The following HIBCH variants were observed in gnomAD, a reference collection of about 807,000 sequenced individuals.
HIBCH encodes 3-hydroxyisobutyryl-CoA hydrolase.
In HIBCH, 50 loss-of-function variants were observed where a neutral mutation model predicts 58.2. The ratio of observed to expected loss-of-function variants is 0.86; its 90% confidence interval spans 0.68 to 1.09. The LOEUF (loss-of-function observed/expected upper bound fraction) is 1.09, where lower values mean the gene tolerates loss of function less well. Ranked by LOEUF, HIBCH falls within the 50% of genes least tolerant of loss-of-function variation. The probability of loss-of-function intolerance (pLI) is 0.00; values close to 1 mark genes in which losing one functional copy is unlikely to be tolerated. For synonymous variants in HIBCH, 151 were observed against 146.9 expected (o/e 1.03, Z -0.20); for missense variants, 450 against 449.7 (o/e 1.00, Z -0.01).
rs192269954 is a variant in HIBCH, at chr2:190,214,341, C to G, written c.892-1266G>C. 1 of 152,380 alleles carries G rather than the reference C, an allele frequency of 6.6e-6. No homozygotes were observed. Among genetic ancestry groups the G allele is most frequent in the East Asian group, 1.9e-4 (1 of 5,186 alleles). The allele number at this position is 152,380 out of a possible 1,614,324, so 9.4% of individuals were successfully genotyped here. A position where few individuals can be genotyped will look rare whatever the true frequency, so the allele number is the denominator to read the frequency against. ...GGCTGAGTACACAGCAAAAACCTGA[C>G]ACAGAGACTAAGTGAAAATGGGAAA... On this transcript the variant is annotated intron_variant, in intron 11 of 13. Transcript: ENST00000359678. The surrounding 1 kb of genome is among the most constrained non-coding windows in gnomAD (Gnocchi z 5.5).
At chr2:190,194,128 T>TA (rs1689851751) in intron 1 of HIBCH, among the ~76,000 whole-genome samples, 1 of 152,224 alleles carries the variant, frequency 6.6e-6, no homozygotes, top group African/African-American at 2.4e-5. Context: ...TTGTACTGTG[T>TA]AATGTTTTAA....
At chr2:190,231,676 C>A (rs770546581) in intron 11 of HIBCH, among the ~76,000 whole-genome samples, 37 of 150,990 alleles carry the variant, frequency 2.5e-4, no homozygotes, top group Non-Finnish European at 4.7e-4. Context: ...GCAGTGCTAG[C>A]CAGTATAGGA....
chr2:190,294,340 A>AG (rs780206191), intron 4 of HIBCH, among the ~76,000 whole-genome samples: 1 of 152,070 alleles, frequency 6.6e-6, no homozygotes, highest in Non-Finnish European at 1.5e-5. Context: ...TTGTGTAGTG[A>AG]GAAAAAAAAA....
At chr2:190,317,964 C>T (rs1173054721) in intron 1 of HIBCH, among the ~76,000 whole-genome samples, 1 of 151,794 alleles carries the variant, frequency 6.6e-6, no homozygotes, top group African/African-American at 2.4e-5. Flanking sequence ...GCTGGGATTA[C>T]AGGGCCCTGC....
chr2:190,303,024 C>T (rs1688308997), intron 2 of HIBCH, among the ~76,000 whole-genome samples: 1 of 152,174 alleles, frequency 6.6e-6, no homozygotes, highest in South Asian at 2.1e-4. Flanking sequence ...TGGAGCCTGG[C>T]TCTCACTGTC....
At position 190,275,654 on chromosome 2, in the gene HIBCH, G is replaced by C. The variant is rs529123002; in HGVS notation, c.438+11932C>G. Among the ~76,000 whole-genome samples, 19 of 152,278 alleles carry C rather than the reference G, an allele frequency of 1.2e-4. No homozygotes were observed. The South Asian group carries it at 3.7e-3, about 30-fold the overall frequency. On this transcript the variant is annotated intron_variant, in intron 6 of 13. Transcript: ENST00000359678. Reference sequence around the variant, plus strand: ...CTGGTGAGTTGTGAAAAGTTTGTGAGGAAAATGCCTCAAAGATATCAACAG... The same window carrying C: ...CTGGTGAGTTGTGAAAAGTTTGTGACGAAAATGCCTCAAAGATATCAACAG...
intron 8 of HIBCH, chr2:190,250,372 T>C (rs1475909746): frequency 2.1e-6 from 1 of 470,168 alleles, no homozygotes; most frequent in African/African-American, 2.0e-5. Flanking sequence ...TTTTTACACT[T>C]ACCATACTTT....
intron 6 of HIBCH, among the ~76,000 whole-genome samples, chr2:190,285,565 T>C (rs1225278838): frequency 1.3e-5 from 2 of 152,174 alleles, no homozygotes; most frequent in East Asian, 1.9e-4. Flanking sequence ...GTGGTTCTAC[T>C]AGAACAAAGG....
At chr2:190,275,337 A>AT (rs1456963547) in intron 6 of HIBCH, among the ~76,000 whole-genome samples, 1 of 152,214 alleles carries the variant, frequency 6.6e-6, no homozygotes, top group Non-Finnish European at 1.5e-5. Flanking sequence ...TATCTACTTA[A>AT]TTTTATATTT....
chr2:190,244,138 T>C (rs926332181), intron 11 of HIBCH, among the ~76,000 whole-genome samples: 13 of 150,640 alleles, frequency 8.6e-5, no homozygotes, highest in African/African-American at 3.0e-4. Context: ...CTAATATATA[T>C]ATATATATAC....
At chr2:190,245,857 G>C (rs577890663) in intron 10 of HIBCH, among the ~76,000 whole-genome samples, 2 of 152,240 alleles carry the variant, frequency 1.3e-5, no homozygotes, top group African/African-American at 2.4e-5. Context: ...AGGCATGGTA[G>C]CAGGTGCCTG....
chr2:190,309,026 C>T (rs1688486009), intron 2 of HIBCH, among the ~76,000 whole-genome samples: 1 of 152,142 alleles, frequency 6.6e-6, no homozygotes, highest in Admixed American at 6.5e-5. Context: ...CCCTTAATTC[C>T]TAAAATTTTC....
At chr2:190,305,161 A>T (rs1032280464) in intron 2 of HIBCH, among the ~76,000 whole-genome samples, 1 of 152,194 alleles carries the variant, frequency 6.6e-6, no homozygotes, top group Non-Finnish European at 1.5e-5. Context: ...GGTACAGAGG[A>T]TTAACAGTAG....
At chr2:190,267,957 G>A (rs925514701) in intron 6 of HIBCH, among the ~76,000 whole-genome samples, 3 of 152,140 alleles carry the variant, frequency 2.0e-5, no homozygotes, top group African/African-American at 7.2e-5. Flanking sequence ...CCCTTAGCCT[G>A]AACACCTACC....
chr2:190,255,568 CACACTGA>C (rs1247451179), intron 7 of HIBCH, among the ~76,000 whole-genome samples: 2 of 152,190 alleles, frequency 1.3e-5, no homozygotes, highest in African/African-American at 4.8e-5. Flanking sequence ...GTGTTTTCAA[CACACTGA>C]ACATCAAGCA....
chr2:190,205,394 C>T (rs982426463), intron 13 of HIBCH, among the ~76,000 whole-genome samples, 162 bp from the exon 14 acceptor site: 3 of 152,128 alleles, frequency 2.0e-5, no homozygotes, highest in Non-Finnish European at 4.4e-5. Context: ...TAAATTAAAT[C>T]TCCAGGGATG....
At chr2:190,275,458 T>C (rs1172978595) in intron 6 of HIBCH, among the ~76,000 whole-genome samples, 1 of 152,234 alleles carries the variant, frequency 6.6e-6, no homozygotes, top group African/African-American at 2.4e-5. Context: ...GAAAATCAAC[T>C]CTTACTAATT....
intron 6 of HIBCH, among the ~76,000 whole-genome samples, chr2:190,277,421 T>C (rs1687582976): frequency 6.6e-6 from 1 of 152,172 alleles, no homozygotes; most frequent in Admixed American, 6.5e-5. Flanking sequence ...TGTGGCGCCA[T>C]CTTTTGGACT....
At chr2:190,285,987 G>A (rs139906494) in intron 6 of HIBCH, among the ~76,000 whole-genome samples, 16 of 152,136 alleles carry the variant, frequency 1.1e-4, no homozygotes, top group African/African-American at 3.6e-4. Flanking sequence ...GATTACTGGT[G>A]CACACCATCA....
Sources: allele counts gnomAD v4.1 joint callset (sites outside exome capture counted in the v4.1 genomes callset), GRCh38; gene constraint gnomAD v4.1.1; non-coding constraint Gnocchi (gnomAD v3.1); transcripts MANE v1.5; gene names NCBI Gene and HGNC (gene_info 2026-07-23, HGNC 2026-07-21).